CDH10: variants seen among roughly 807,000 people sequenced by gnomAD.
The protein encoded by CDH10 is cadherin 10.
A neutral mutation model predicts 73.1 loss-of-function variants in CDH10; 30 were observed. That is an observed-to-expected ratio of 0.41 (90% confidence interval 0.31 to 0.56). CDH10 has a LOEUF of 0.56. CDH10 is among the 20% of genes least tolerant of loss of function. The pLI is 0.27. For missense variants in CDH10, 815 were observed against 973.7 expected, an observed-to-expected ratio of 0.84 and a Z score of 2.17; for synonymous variants, 345 against 348.2, an observed-to-expected ratio of 0.99 and a Z score of 0.10.
intron 1 of CDH10, among the ~76,000 whole-genome samples, chr5:24,598,209 T>C (rs776674711): frequency 1.3e-5 from 2 of 152,006 alleles, no homozygotes; most frequent in African/African-American, 2.4e-5. Flanking sequence ...TGTGAGATAA[T>C]TGAATCAAAG....
rs1264507075 is a variant in CDH10, at chr5:24,644,796, GAT to G, written c.-328_-327del. ...AAGAAAACGGGGGCGAGCTCTCTCT[GAT>G]TGGCTTTCATTCAGTGCTTCTGATT... is the stretch of plus-strand genomic sequence containing the variant. On this transcript the variant is annotated 5_prime_UTR_variant, in exon 1 of 12. The change creates a premature stop within an existing upstream ORF in the 5' untranslated region. Transcript: ENST00000264463. 1 of 147,084 alleles carries G rather than the reference GAT, an allele frequency of 6.8e-6. No homozygotes were observed. The highest frequency in any genetic ancestry group is 2.0e-4 in the East Asian group (1 of 4,896). 9.1% of individuals were successfully genotyped at this position (147,084 alleles called of 1,614,324 possible). A position where few individuals can be genotyped will look rare whatever the true frequency, so the allele number is the denominator to read the frequency against.
intron 1 of CDH10, among the ~76,000 whole-genome samples, chr5:24,624,721 T>C (rs994061929): frequency 1.3e-5 from 2 of 152,128 alleles, no homozygotes; most frequent in African/African-American, 4.8e-5. Flanking sequence ...AAGGCATATG[T>C]TGAAGGTCCC....
intron 2 of CDH10, among the ~76,000 whole-genome samples, chr5:24,552,714 CTAT>C (rs1744592001): frequency 1.3e-5 from 2 of 151,858 alleles, no homozygotes; most frequent in Admixed American, 6.6e-5. Context: ...TTTGTCACCA[CTAT>C]TATTTCCTTC....
chr5:24,499,841 G>A (rs17516566), intron 8 of CDH10, among the ~76,000 whole-genome samples: 24,947 of 152,020 alleles, frequency 0.16, 2,146 homozygotes, highest in Admixed American at 0.21. Context: ...CACTTATGCT[G>A]GCTGAGAGTA....
At chr5:24,593,160 A>T (rs1272587346) in intron 2 of CDH10, 100 bp downstream of exon 2, 3 of 684,984 alleles carry the variant, frequency 4.4e-6, no homozygotes, top group Non-Finnish European at 5.1e-6. Context: ...GATTTAAAGA[A>T]TCAGATTTAT....
rs115097335 is a variant in CDH10 at position 24,571,634 on chromosome 5, T to C, written c.231+21626A>G. ...GAGGAGATTTACTAAGCATTTATAA[T>C]ATGCTAGACAGAAAACCTACATAAG... On this transcript the variant is annotated intron_variant, in intron 2 of 11. Transcript: ENST00000264463. Among the ~76,000 whole-genome samples, 958 of 152,194 alleles carry C rather than the reference T, an allele frequency of 6.3e-3. 13 individuals are homozygous for C. The highest frequency in any genetic ancestry group is 0.022 in the African/African-American group (910 of 41,498).
At chr5:24,489,699 A>G (rs1463402586) in intron 11 of CDH10, among the ~76,000 whole-genome samples, 1 of 152,184 alleles carries the variant, frequency 6.6e-6, no homozygotes, top group Non-Finnish European at 1.5e-5. Flanking sequence ...TAACAAAACT[A>G]GAGAGAATGC....
chr5:24,529,894 T>G (rs554055892), intron 5 of CDH10, among the ~76,000 whole-genome samples: 1 of 152,096 alleles, frequency 6.6e-6, no homozygotes, highest in Non-Finnish European at 1.5e-5. Flanking sequence ...AAAGCCAGGT[T>G]TCTCAGGAGC....
At chr5:24,617,712 C>T (rs1457884318) in intron 1 of CDH10, among the ~76,000 whole-genome samples, 1 of 152,148 alleles carries the variant, frequency 6.6e-6, no homozygotes, top group Non-Finnish European at 1.5e-5. Context: ...CAAACAGCTG[C>T]TTCTAACTCT....
At chr5:24,489,925 C>A (rs577206006) in intron 11 of CDH10, among the ~76,000 whole-genome samples, 10 of 152,104 alleles carry the variant, frequency 6.6e-5, no homozygotes, top group South Asian at 2.1e-4. Flanking sequence ...TAGCAAGGTA[C>A]CTTAGCTCAA....
chr5:24,606,179 T>TA (rs1746754331), intron 1 of CDH10, among the ~76,000 whole-genome samples: 1 of 152,178 alleles, frequency 6.6e-6, no homozygotes, highest in Non-Finnish European at 1.5e-5. Context: ...AACTTTACCC[T>TA]AGAAAGGATG....
intron 7 of CDH10, 133 bp downstream of exon 7, chr5:24,509,433 G>A (rs1240448983): frequency 1.5e-6 from 1 of 674,920 alleles, no homozygotes; most frequent in Non-Finnish European, 2.5e-6. Context: ...TAGAGACAGG[G>A]TTTCACCATG....
intron 1 of CDH10, among the ~76,000 whole-genome samples, chr5:24,625,527 A>C (rs544087058): frequency 6.4e-4 from 94 of 147,136 alleles, no homozygotes; most frequent in Admixed American, 1.9e-3. Flanking sequence ...TCTGACTGAG[A>C]TCAATCTATT....
chr5:24,502,393 A>G (rs1742533682), intron 8 of CDH10, among the ~76,000 whole-genome samples: 1 of 152,186 alleles, frequency 6.6e-6, no homozygotes, highest in Non-Finnish European at 1.5e-5. Flanking sequence ...ATTGGTAAGA[A>G]GTACATTTGA....
At chr5:24,604,883 AAAAAAAAAAAAAC>A (rs1024757204) in intron 1 of CDH10, among the ~76,000 whole-genome samples, 1 of 149,720 alleles carries the variant, frequency 6.7e-6, no homozygotes, top group African/African-American at 2.5e-5. Flanking sequence ...AAAAAAAAAA[AAAAAAAAAAAAAC>A]AAAAACAAAC....
At chr5:24,496,397 C>T (rs1742289600) in intron 9 of CDH10, among the ~76,000 whole-genome samples, 1 of 151,996 alleles carries the variant, frequency 6.6e-6, no homozygotes, top group Admixed American at 6.6e-5. Flanking sequence ...TTGCTGAGGT[C>T]CTCTGACTCT....
chr5:24,519,402 T>C (rs1346332705), intron 5 of CDH10, among the ~76,000 whole-genome samples: 1 of 152,084 alleles, frequency 6.6e-6, no homozygotes, highest in Non-Finnish European at 1.5e-5. Context: ...AAACCTTCTA[T>C]AAAATAAAGA....
chr5:24,536,937 A>G (rs1743976467), intron 3 of CDH10, among the ~76,000 whole-genome samples: 1 of 151,926 alleles, frequency 6.6e-6, no homozygotes, highest in Non-Finnish European at 1.5e-5. Context: ...AATTTCCTCA[A>G]TTGAAATATG....
At chr5:24,588,343 A>T (rs1746090283) in intron 2 of CDH10, among the ~76,000 whole-genome samples, 1 of 152,054 alleles carries the variant, frequency 6.6e-6, no homozygotes, top group African/African-American at 2.4e-5. Context: ...ACCCCATCTA[A>T]CCACTAAAAG....
Sources: allele counts gnomAD v4.1 joint callset (sites outside exome capture counted in the v4.1 genomes callset), GRCh38; gene constraint gnomAD v4.1.1; transcripts MANE v1.5; gene names NCBI Gene and HGNC (gene_info 2026-07-23, HGNC 2026-07-21).